The following PRUNE1 variants were observed in gnomAD, a reference collection of about 807,000 sequenced individuals.
PRUNE1 encodes the protein prune exopolyphosphatase 1.
In PRUNE1, 25 loss-of-function variants were observed where a neutral mutation model predicts 42.5. That is an observed-to-expected ratio of 0.59 (90% CI 0.43 to 0.82). The LOEUF is 0.82. Among genes scored for constraint, PRUNE1 ranks in the 40% least tolerant of loss-of-function variants. PRUNE1 has a pLI of 0.00. For missense variants in PRUNE1, 443 were observed against 539.3 expected, an observed-to-expected ratio of 0.82 and a Z score of 1.77; for synonymous variants, 203 against 217.1, an observed-to-expected ratio of 0.93 and a Z score of 0.57.
Position 151,028,864 on chromosome 1 carries a change from A to T in PRUNE1, c.853A>T (p.Met285Leu). 6.2e-7 allele frequency: 1 copy of T among 1,613,940 alleles called. No individual in the cohort carries two copies. The highest frequency in any genetic ancestry group is 8.5e-7 in the Non-Finnish European group (1 of 1,179,910). ...QAHSYDVLVA[M>L]TIFFNTHNEP... is the part of the protein sequence containing the mutation. ...TCACAGCTATGATGTCCTGGTTGCC[A>T]TGACTATCTTTTTCAACACTCACAA... is the stretch of plus-strand genomic sequence containing the variant. The change falls in exon 7 of 8, where the codon ATG becomes TTG. Residue 285 changes from methionine (M) to leucine (L), a missense_variant. Coordinates refer to ENST00000271620, the MANE Select transcript of PRUNE1 (RefSeq NM_021222.3).
chr1:151,009,179 G>A (rs953977949), intron 1 of PRUNE1, among the ~76,000 whole-genome samples: 8 of 152,124 alleles, frequency 5.3e-5, no homozygotes, highest in Non-Finnish European at 1.0e-4. Flanking sequence ...TGTCTGGCGG[G>A]CTGAACTCAT....
At chr1:151,024,491 G>A (rs868199307) in intron 3 of PRUNE1, 120 bp from the exon 4 acceptor site, 18 of 967,212 alleles carry the variant, frequency 1.9e-5, no homozygotes, top group Non-Finnish European at 2.6e-5. Context: ...GTGAAACTCC[G>A]TCTCAAAAAA....
rs761789889 is a variant in PRUNE1, at chr1:151,033,833, T to A, written c.961T>A (p.Ser321Thr). The A allele has an allele frequency of 6.2e-7, 1 of 1,613,914 alleles. No individual in the cohort carries two copies. Among genetic ancestry groups the A allele is most frequent in the South Asian group, 1.1e-5 (1 of 91,068 alleles). ...CTGTGAAGTCCTGGAACGCTCCCAC[T>A]CTCCACCCCTGAAGCTGACCCCTGC... Reference protein sequence around the residue: ...TICEVLERSHSPPLKLTPASS... With the variant: ...TICEVLERSHTPPLKLTPASS... Residue 321 changes from serine to threonine, a missense_variant, in exon 8 of 8, where the codon TCT becomes ACT. Coordinates refer to ENST00000271620, the MANE Select transcript of PRUNE1 (RefSeq NM_021222.3).
chr1:151,008,844 G>C (rs769577513), intron 1 of PRUNE1, 173 bp downstream of exon 1: 1 of 818,616 alleles, frequency 1.2e-6, no homozygotes, highest in Non-Finnish European at 2.1e-6. Context: ...CGAGAAGCCA[G>C]TTTAGGAGCG....
chr1:151,033,088 C>CTT (rs76163919), intron 7 of PRUNE1, among the ~76,000 whole-genome samples: 8 of 119,240 alleles, frequency 6.7e-5, no homozygotes, highest in African/African-American at 2.2e-4. Flanking sequence ...GGATAACTTA[C>CTT]TTTTTTTTTT....
chr1:151,031,958 T>G (rs781196300), intron 7 of PRUNE1, among the ~76,000 whole-genome samples: 1 of 152,182 alleles, frequency 6.6e-6, no homozygotes, highest in East Asian at 1.9e-4. Flanking sequence ...TAAAATACTG[T>G]GTATGGCTGG....
rs953252861 is a variant in PRUNE1 at position 151,035,299 on chromosome 1, C to G, written c.*1065C>G. The G allele has an allele frequency of 6.6e-6, 1 of 152,238 alleles. No individual in the cohort carries two copies. The highest frequency in any genetic ancestry group is 1.5e-5 in the Non-Finnish European group (1 of 68,088). 9.4% of individuals were successfully genotyped at this position (152,238 alleles called of 1,614,324 possible). A position where few individuals can be genotyped will look rare whatever the true frequency, so the allele number is the denominator to read the frequency against. ...TGTTATCCCTGGGGGTGCTCAGGTTCACTTGATTGTCTGTATTTCTGTGTG... is the reference window on the plus strand; with the variant it reads ...TGTTATCCCTGGGGGTGCTCAGGTTGACTTGATTGTCTGTATTTCTGTGTG... On this transcript the variant is annotated 3_prime_UTR_variant, in exon 8 of 8. Coordinates refer to ENST00000271620, the MANE Select transcript of PRUNE1 (RefSeq NM_021222.3).
intron 3 of PRUNE1, among the ~76,000 whole-genome samples, chr1:151,024,201 A>C (rs1674673185): frequency 6.6e-6 from 1 of 151,940 alleles, no homozygotes; most frequent in Non-Finnish European, 1.5e-5. Context: ...AAAAAAAAAA[A>C]AAAGAATTGA....
chr1:151,024,479 G>A, intron 3 of PRUNE1, 132 bp from the exon 4 acceptor site: 1 of 852,546 alleles, frequency 1.2e-6, no homozygotes, highest in Non-Finnish European at 1.8e-6. Flanking sequence ...TGGGCGACAA[G>A]AGTGAAACTC....
At chr1:151,018,057 A>T (rs587671590) in intron 2 of PRUNE1, among the ~76,000 whole-genome samples, 153 bp downstream of exon 2, 1 of 152,308 alleles carries the variant, frequency 6.6e-6, no homozygotes, top group Admixed American at 6.5e-5. Flanking sequence ...ATAAAAACTA[A>T]AATGATATTT....
intron 1 of PRUNE1, among the ~76,000 whole-genome samples, chr1:151,016,566 A>G (rs1674113866): frequency 3.3e-5 from 5 of 151,938 alleles, no homozygotes; most frequent in Admixed American, 1.3e-4. Context: ...CAAAGGCGCA[A>G]TCTCGGCTCA....
intron 1 of PRUNE1, chr1:151,008,929 C>G (rs1673554045): frequency 1.6e-6 from 1 of 644,562 alleles, no homozygotes; most frequent in East Asian, 3.1e-5. Flanking sequence ...GGGGAGAAGT[C>G]TTGGGTCTGA....
chr1:151,025,154 C>T (rs1571801050), intron 4 of PRUNE1, among the ~76,000 whole-genome samples: 1 of 48,894 alleles, frequency 2.0e-5, no homozygotes, highest in Admixed American at 2.0e-4. Flanking sequence ...CATTTTTCCA[C>T]TTGTAAAAAA....
At chr1:151,024,934 C>G (rs1228077843) in intron 4 of PRUNE1, 139 bp downstream of exon 4, 4 of 926,134 alleles carry the variant, frequency 4.3e-6, no homozygotes, top group Non-Finnish European at 6.4e-6. Flanking sequence ...AGGATTCTTT[C>G]AGGGGACAAT....
intron 3 of PRUNE1, among the ~76,000 whole-genome samples, chr1:151,021,533 C>T (rs1292964216): frequency 1.3e-5 from 2 of 152,070 alleles, no homozygotes; most frequent in African/African-American, 2.4e-5. Context: ...ATAATTCCAT[C>T]CCTAATTTAC....
intron 3 of PRUNE1, among the ~76,000 whole-genome samples, chr1:151,023,268 G>T (rs1331491173): frequency 6.6e-6 from 1 of 152,164 alleles, no homozygotes; most frequent in African/African-American, 2.4e-5. Context: ...GCAGGTGATT[G>T]GTTAAGAGAC....
intron 1 of PRUNE1, among the ~76,000 whole-genome samples, chr1:151,017,314 T>C (rs1454769874): frequency 6.6e-6 from 1 of 152,114 alleles, no homozygotes; most frequent in Non-Finnish European, 1.5e-5. Flanking sequence ...AGAACACTTT[T>C]CTACAAACTG....
intron 1 of PRUNE1, among the ~76,000 whole-genome samples, chr1:151,016,289 A>G (rs1008193641): frequency 6.6e-6 from 1 of 152,098 alleles, no homozygotes; most frequent in Non-Finnish European, 1.5e-5. Flanking sequence ...ATGCTGGGCC[A>G]TAGGCTTTCT....
chr1:151,031,807 G>C (rs587735365), intron 7 of PRUNE1, among the ~76,000 whole-genome samples: 1 of 151,928 alleles, frequency 6.6e-6, no homozygotes, highest in Non-Finnish European at 1.5e-5. Flanking sequence ...ACTTGGAAAC[G>C]ACACTAGATT....
Sources: gnomAD v4.1 joint callset for allele counts (sites outside exome capture counted in the v4.1 genomes callset) on GRCh38, gnomAD v4.1.1 for gene constraint, MANE v1.5 for transcripts, NCBI Gene and HGNC (gene_info 2026-07-23, HGNC 2026-07-21) for gene names.